CPNE3: variants seen among roughly 807,000 people sequenced by gnomAD.
The protein encoded by CPNE3 is copine-3.
CPNE3 carries 68 observed loss-of-function variants against 63.9 expected under a neutral mutation model. That is an observed-to-expected ratio of 1.06 (90% CI 0.87 to 1.30). The LOEUF (loss-of-function observed/expected upper bound fraction) is 1.30, where lower values mean the gene tolerates loss of function less well. CPNE3 is among the 50% of genes most tolerant of loss of function. The probability of loss-of-function intolerance (pLI) is 0.00; values close to 1 mark genes in which losing one functional copy is unlikely to be tolerated. For synonymous variants in CPNE3, 219 were observed against 197.5 expected, an observed-to-expected ratio of 1.11 and a Z score of -0.91; for missense variants, 665 against 578.1, an observed-to-expected ratio of 1.15 and a Z score of -1.54.
intron 14 of CPNE3, chr8:86,551,490 C>G: frequency 2.8e-6 from 1 of 362,968 alleles, no homozygotes; most frequent in Admixed American, 4.3e-5. Flanking sequence ...ATCCTCCTAC[C>G]TTAAGAACTT....
intron 14 of CPNE3, among the ~76,000 whole-genome samples, chr8:86,552,085 T>C (rs72606634): frequency 0.12 from 18,704 of 152,262 alleles, 1,486 homozygotes; most frequent in East Asian, 0.42. Flanking sequence ...ACTAAAGAGT[T>C]TGGAGAAGGC....
chr8:86,529,274 C>T lies in CPNE3; in HGVS notation c.312+150C>T, dbSNP rs75801473. 829 of 625,194 alleles carry T rather than the reference C, an allele frequency of 1.3e-3. 15 individuals carry two copies. In the East Asian group the frequency reaches 0.02, roughly 15 times the overall value. The allele number at this position is 625,194 out of a possible 1,614,324, so 38.7% of individuals were successfully genotyped here. On this transcript the variant is annotated intron_variant, in intron 4 of 16. Coordinates refer to ENST00000517490, the MANE Select transcript of CPNE3 (RefSeq NM_003909.5). ...TATATATTAATATGATTGGCTTGAA[C>T]ATTATAGAATTCATCTTATATTTTG... is the stretch of plus-strand genomic sequence containing the variant.
chr8:86,533,131 A>G lies in CPNE3; in HGVS notation c.459+551A>G, dbSNP rs144555284. Among the ~76,000 whole-genome samples the G allele has an allele frequency of 5.2e-3, 789 of 152,100 alleles. 3 individuals are homozygous for G. The highest frequency in any genetic ancestry group is 0.012 in the African/African-American group (480 of 41,478). On this transcript the variant is annotated intron_variant, in intron 6 of 16. Coordinates refer to ENST00000517490, the MANE Select transcript of CPNE3 (RefSeq NM_003909.5). ...GGTCTGGAACTCCTGGGCTCAAGCA[A>G]TCCTCCCATCTCATACTCCCAAAGT...
In CPNE3 at chr8:86,538,525, G is replaced by C. The variant is rs1441569828; in HGVS notation, c.543+879G>C. ...TTCAGATTTCCTCAGTTGTCCCACA[G>C]GTTTTGTGTGTATTTTGTTTTGCTT... On this transcript the variant is annotated intron_variant, in intron 7 of 16. Coordinates refer to ENST00000517490, the MANE Select transcript of CPNE3 (RefSeq NM_003909.5). Among the ~76,000 whole-genome samples the C allele has an allele frequency of 3.9e-5, 6 of 152,266 alleles. No homozygotes were observed. In the South Asian group the frequency reaches 1.0e-3, roughly 26 times the overall value.
chr8:86,528,842 CT>C, intron 3 of CPNE3, 102 bp from the exon 4 acceptor site: 1 of 1,307,078 alleles, frequency 7.7e-7, no homozygotes, highest in Non-Finnish European at 1.0e-6. Flanking sequence ...TAGAAACTTC[CT>C]TTAGTTGTCA....
chr8:86,529,711 C>T (rs369793429), intron 4 of CPNE3, among the ~76,000 whole-genome samples: 3 of 152,082 alleles, frequency 2.0e-5, no homozygotes, highest in Non-Finnish European at 4.4e-5. Context: ...AGGGTAGGGA[C>T]GTGTCTCATG....
rs781167571 is a variant in CPNE3, at chr8:86,551,063, C to A, written c.1031C>A (p.Ala344Asp). Residue 344 changes from alanine (A) to aspartate (D), a missense_variant, in exon 13 of 17, where the codon GCT becomes GAT. Coordinates refer to ENST00000517490, the MANE Select transcript of CPNE3 (RefSeq NM_003909.5). ...CTTTTTAGTGATAAGATGTTTCCAG[C>A]TTTTGGTTTTGGCGCTCAGATACCT... ...QDYDADKMFP[A>D]FGFGAQIPPQ... The A allele has an allele frequency of 6.2e-7, 1 of 1,608,698 alleles. No individual in the cohort carries two copies. The highest frequency in any genetic ancestry group is 2.2e-5 in the East Asian group (1 of 44,768).
intron 8 of CPNE3, among the ~76,000 whole-genome samples, chr8:86,542,701 A>G (rs1283806831): frequency 1.3e-5 from 2 of 152,018 alleles, no homozygotes; most frequent in Non-Finnish European, 2.9e-5. Flanking sequence ...AATTCTTGAA[A>G]AGAGAGAAAT....
In CPNE3 at chr8:86,544,778, T is replaced by G; in HGVS notation, c.672T>G (p.Asp224Glu). ...CYDYDNDGSH[D>E]LIGTFQTTMT... ...ATTATGACAATGATGGGTCACATGA[T>G]CTCATTGGAACATTTCAGACCACCA... Residue 224 changes from aspartate (D) to glutamate (E), a missense_variant, in exon 9 of 17, where the codon GAT (aspartate) becomes GAG (glutamate). Transcript: ENST00000517490. 2 of 1,577,012 alleles carry G rather than the reference T, an allele frequency of 1.3e-6. No individual in the cohort carries two copies. The highest frequency in any genetic ancestry group is 2.3e-5 in the South Asian group (2 of 85,456).
chr8:86,533,976 C>G (rs1820744300), intron 6 of CPNE3, among the ~76,000 whole-genome samples: 1 of 152,084 alleles, frequency 6.6e-6, no homozygotes, highest in Non-Finnish European at 1.5e-5. Context: ...TTTCCACGTT[C>G]AAGTTGGGCA....
At position 86,529,071 on chromosome 8, in the gene CPNE3, A is replaced by T. The variant is rs771190545; in HGVS notation, c.259A>T (p.Ile87Phe). The T allele has an allele frequency of 6.2e-7, 1 of 1,614,060 alleles. No homozygotes were observed. Among genetic ancestry groups the T allele is most frequent in the African/African-American group, 1.3e-5 (1 of 75,042 alleles). ...FGVYDIDNKT[I>F]ELSDDDFLGE... ...GGTTTATGACATCGACAACAAAACT[A>T]TTGAGCTGAGTGATGATGACTTCTT... is the stretch of plus-strand genomic sequence containing the variant. Residue 87 changes from isoleucine (I) to phenylalanine (F), a missense_variant, in exon 4 of 17, where the codon ATT becomes TTT. Coordinates refer to ENST00000517490, the MANE Select transcript of CPNE3 (RefSeq NM_003909.5).
At chr8:86,533,046 A>C (rs1181894048) in intron 6 of CPNE3, among the ~76,000 whole-genome samples, 1 of 151,256 alleles carries the variant, frequency 6.6e-6, no homozygotes, top group Non-Finnish European at 1.5e-5. Flanking sequence ...CTATCTATCT[A>C]TCTATCTATC....
Position 86,528,540 on chromosome 8 carries a change from C to A in CPNE3, c.-6C>A. 2.5e-6 allele frequency: 4 copies of A among 1,612,646 alleles called. No homozygotes were observed. Among genetic ancestry groups the A allele is most frequent in the Non-Finnish European group, 3.4e-6 (4 of 1,179,676 alleles). On this transcript the variant is annotated 5_prime_UTR_variant, in exon 3 of 17. Transcript: ENST00000517490. Reference sequence around the variant, plus strand: ...TCTTTTTATTGGTTTTCTCAGAACTCAAGACATGGCTGCCCAGTGTGTCAC... The same window carrying A: ...TCTTTTTATTGGTTTTCTCAGAACTAAAGACATGGCTGCCCAGTGTGTCAC...
intron 6 of CPNE3, among the ~76,000 whole-genome samples, chr8:86,535,273 G>T (rs1820777899): frequency 6.6e-6 from 1 of 151,252 alleles, no homozygotes; most frequent in Non-Finnish European, 1.5e-5. Context: ...GTGGGTTATT[G>T]TCATTCATGG....
chr8:86,543,587 C>G (rs1440696908), intron 8 of CPNE3, among the ~76,000 whole-genome samples: 1 of 152,060 alleles, frequency 6.6e-6, no homozygotes. Flanking sequence ...ATTACAGGCT[C>G]TAGGATTTCA....
intron 2 of CPNE3, among the ~76,000 whole-genome samples, chr8:86,520,717 T>C (rs958585670): frequency 1.4e-5 from 2 of 147,432 alleles, no homozygotes; most frequent in African/African-American, 2.5e-5. Flanking sequence ...TGGAGTGCAG[T>C]GGCGCAATCT....
At chr8:86,548,195 G>A in intron 11 of CPNE3, 106 bp from the exon 12 acceptor site, 1 of 1,168,804 alleles carries the variant, frequency 8.6e-7, no homozygotes, top group Non-Finnish European at 1.2e-6. Flanking sequence ...TTAGGAAGTA[G>A]GCGCCAGGAT....
intron 15 of CPNE3, 29 bp from the exon 16 acceptor site, chr8:86,556,073 T>C: frequency 1.2e-6 from 1 of 868,582 alleles, no homozygotes; most frequent in South Asian, 1.3e-5. Context: ...CTTGACTTGC[T>C]CAGGGGACAT....
intron 14 of CPNE3, among the ~76,000 whole-genome samples, chr8:86,551,954 C>G (rs934003031): frequency 1.2e-4 from 19 of 152,250 alleles, no homozygotes; most frequent in Non-Finnish European, 2.8e-4. Context: ...GCGTGAGCCA[C>G]CATGCCCAGC....
Sources: allele counts gnomAD v4.1 joint callset (sites outside exome capture counted in the v4.1 genomes callset), GRCh38; gene constraint gnomAD v4.1.1; transcripts MANE v1.5; gene names NCBI Gene and HGNC (gene_info 2026-07-23, HGNC 2026-07-21).